ADPRM: variants seen among roughly 807,000 people sequenced by gnomAD.
The protein encoded by ADPRM is ADP-ribose/CDP-alcohol diphosphatase, manganese dependent, also known as manganese-dependent ADP-ribose/CDP-alcohol diphosphatase.
A neutral mutation model predicts 27.2 loss-of-function variants in ADPRM; 17 were observed. That is an observed-to-expected ratio of 0.63 (90% CI 0.43 to 0.94). The LOEUF is 0.94. ADPRM is among the 40% of genes least tolerant of loss of function. ADPRM has a pLI of 0.00. For missense variants in ADPRM, 337 were observed against 412.8 expected (o/e 0.82, Z 1.59); for synonymous variants, 135 against 145.3 (o/e 0.93, Z 0.51).
At position 10,705,912 on chromosome 17, in the gene ADPRM, T is replaced by C. The variant is rs1367982767; in HGVS notation, c.601+385T>C. 1 of 248,444 alleles carries C rather than the reference T, an allele frequency of 4.0e-6. No homozygotes were observed. The highest frequency in any genetic ancestry group is 7.8e-6 in the Non-Finnish European group (1 of 127,746). 15.4% of individuals were successfully genotyped at this position (248,444 alleles called of 1,614,324 possible). A position where few individuals can be genotyped will look rare whatever the true frequency, so the allele number is the denominator to read the frequency against. Reference sequence around the variant, plus strand: ...GCCAAGGAAATAGAGTATGATGTTATAGAGTGTTACGGAAAAGGATTAGGG... The same window carrying C: ...GCCAAGGAAATAGAGTATGATGTTACAGAGTGTTACGGAAAAGGATTAGGG... On this transcript the variant is annotated intron_variant, in intron 2 of 3. Coordinates refer to ENST00000379774, the MANE Select transcript of ADPRM (RefSeq NM_020233.5). This position sits in a 1 kb window ranked among gnomAD's most constrained non-coding sequence, Gnocchi z 5.4.
intron 3 of ADPRM, among the ~76,000 whole-genome samples, chr17:10,708,055 T>G (rs777095276): frequency 6.6e-5 from 10 of 152,074 alleles, no homozygotes; most frequent in African/African-American, 1.4e-4. Flanking sequence ...TGGCTCTGGT[T>G]TATATGAACT....
chr17:10,707,053 T>C (rs2074817661), intron 3 of ADPRM, among the ~76,000 whole-genome samples: 2 of 152,254 alleles, frequency 1.3e-5, no homozygotes, highest in Admixed American at 6.5e-5. Context: ...TTGTTTTTTG[T>C]TTTTTGAACC....
Position 10,705,551 on chromosome 17 carries a change from A to G in ADPRM, c.601+24A>G, listed in dbSNP as rs1160495101. On this transcript the variant is annotated intron_variant, in intron 2 of 3. Transcript: ENST00000379774. This position sits in a 1 kb window ranked among gnomAD's most constrained non-coding sequence, Gnocchi z 5.4. ...AGGTGAATTATTCCTTTGAGCTGAG[A>G]ATCTAATAGATTGTCTTTAAATTCT... is the stretch of plus-strand genomic sequence containing the variant. 1 of 1,601,834 alleles carries G rather than the reference A, an allele frequency of 6.2e-7. No individual in the cohort carries two copies. Among genetic ancestry groups the G allele is most frequent in the Non-Finnish European group, 8.5e-7 (1 of 1,173,842 alleles).
At chr17:10,710,175 C>T (rs1597518451) in intron 3 of ADPRM, among the ~76,000 whole-genome samples, 1 of 152,198 alleles carries the variant, frequency 6.6e-6, no homozygotes, top group Non-Finnish European at 1.5e-5. Context: ...GATCTTGGCT[C>T]ACTGCAACCT....
intron 3 of ADPRM, among the ~76,000 whole-genome samples, chr17:10,708,429 C>CAA (rs1206878055): frequency 5.6e-4 from 17 of 30,434 alleles, no homozygotes; most frequent in African/African-American, 6.9e-4. Flanking sequence ...AACTCCGTCT[C>CAA]AAAAAAAAAA....
chr17:10,706,453 A>G lies in ADPRM; in HGVS notation c.617A>G (p.Gln206Arg), dbSNP rs202034757. 2 of 1,599,322 alleles carry G rather than the reference A, an allele frequency of 1.3e-6. No homozygotes were observed. The highest frequency in any genetic ancestry group is 1.1e-5 in the South Asian group (1 of 87,458). ...TTCATTTCAGGACTTTCTGAGCCCC[A>G]GTTTGTCCAGTTTAATGGAGGATTC... ...LNSPQGLSEP[Q>R]FVQFNGGFSQ... is the part of the protein sequence containing the mutation. The change falls in exon 3 of 4, where the codon CAG becomes CGG. Residue 206 changes from glutamine (Q) to arginine (R), a missense_variant. Coordinates refer to ENST00000379774, the MANE Select transcript of ADPRM (RefSeq NM_020233.5).
Position 10,706,881 on chromosome 17 carries a change from T to C in ADPRM, c.718+327T>C, listed in dbSNP as rs141528627. Among the ~76,000 whole-genome samples the C allele has an allele frequency of 3.7e-3, 560 of 152,304 alleles. 1 individual carries two copies. The highest frequency in any genetic ancestry group is 0.012 in the African/African-American group (490 of 41,570). On this transcript the variant is annotated intron_variant, in intron 3 of 3. Coordinates refer to ENST00000379774, the MANE Select transcript of ADPRM (RefSeq NM_020233.5). ...TATTATTATTGAAATCATTGTAGAT[T>C]CACGTGCATTTGTAAGAAATAATTC...
rs1248691785 is a variant in ADPRM, at chr17:10,705,264, T to A, written c.338T>A (p.Phe113Tyr). ...CATCATACATGGGGAAACCATGAATTCTATAACTTCAGTAGAGAGTATTTA... is the reference window on the plus strand; with the variant it reads ...CATCATACATGGGGAAACCATGAATACTATAACTTCAGTAGAGAGTATTTA... ...PVHHTWGNHE[F>Y]YNFSREYLTH... Residue 113 changes from phenylalanine to tyrosine, a missense_variant, in exon 2 of 4, where the codon TTC becomes TAC. By Grantham distance (22) the Phe-to-Tyr change is conservative. Coordinates refer to ENST00000379774, the MANE Select transcript of ADPRM (RefSeq NM_020233.5). The surrounding 1 kb of genome is among the most constrained non-coding windows in gnomAD (Gnocchi z 5.4). 1 of 1,614,058 alleles carries A rather than the reference T, an allele frequency of 6.2e-7. No homozygotes were observed.
chr17:10,705,285 AT>A lies in ADPRM; in HGVS notation c.362del (p.Leu121Ter). ...GAATTCTATAACTTCAGTAGAGAGT[AT>A]TTAACACACTCTAAACTTAACACTA... ...NHEFYNFSREYLTHSKLNTKF... is the reference protein window; with the variant it reads ...NHEFYNFSREXLTHSKLNTKF... On this transcript the variant is annotated frameshift_variant, in exon 2 of 4. Coordinates refer to ENST00000379774, the MANE Select transcript of ADPRM (RefSeq NM_020233.5). LOFTEE classifies it high-confidence loss of function. This position sits in a 1 kb window ranked among gnomAD's most constrained non-coding sequence, Gnocchi z 5.4. 1 of 1,613,570 alleles carries A rather than the reference AT, an allele frequency of 6.2e-7. No homozygotes were observed. Among genetic ancestry groups the A allele is most frequent in the South Asian group, 1.1e-5 (1 of 91,064 alleles).
At chr17:10,709,288 G>A (rs374462686) in intron 3 of ADPRM, among the ~76,000 whole-genome samples, 1 of 152,116 alleles carries the variant, frequency 6.6e-6, no homozygotes, top group Admixed American at 6.6e-5. Context: ...GATGTTGAGT[G>A]GGCAGTTTGG....
chr17:10,706,268 GATAT>G (rs146938479), intron 2 of ADPRM, among the ~76,000 whole-genome samples, 166 bp from the exon 3 acceptor site: 1 of 150,228 alleles, frequency 6.7e-6, no homozygotes, highest in Non-Finnish European at 1.5e-5. Context: ...GATGCAGTGT[GATAT>G]ATATATATAT....
In ADPRM at chr17:10,705,445, G is replaced by C. The variant is rs745405703; in HGVS notation, c.519G>C (p.Val173=). 16 of 1,613,902 alleles carry C rather than the reference G, an allele frequency of 9.9e-6. No homozygotes were observed. The highest frequency in any genetic ancestry group is 1.3e-5 in the Non-Finnish European group (15 of 1,180,032). The change falls in exon 2 of 4, where the codon GTG becomes GTC. Residue 173 remains valine, a synonymous_variant. Transcript: ENST00000379774. This position sits in a 1 kb window ranked among gnomAD's most constrained non-coding sequence, Gnocchi z 5.4. ...LDAYDLSVLG[V]DQSSPKYEQC... is the part of the protein sequence containing the mutation. The stretch of plus-strand genomic sequence containing the variant: ...CATATGACTTGAGTGTCTTGGGCGT[G>C]GATCAGTCTTCTCCAAAATACGAGC...
At chr17:10,701,535 T>C (rs977445012) in intron 1 of ADPRM, among the ~76,000 whole-genome samples, 1 of 152,130 alleles carries the variant, frequency 6.6e-6, no homozygotes, top group Non-Finnish European at 1.5e-5. Flanking sequence ...TTCACCATGT[T>C]AGCCAGGATG....
Position 10,705,108 on chromosome 17 carries a change from A to G in ADPRM, c.182A>G (p.Asn61Ser), listed in dbSNP as rs762398462. ...HLQGAIEDWNNESSMPCCVLQ... is the reference protein window; with the variant it reads ...HLQGAIEDWNSESSMPCCVLQ... ...CAGGGTGCCATTGAAGACTGGAATA[A>G]TGAAAGCAGCATGCCCTGTTGTGTC... The change falls in exon 2 of 4, where the codon AAT (asparagine) becomes AGT (serine). Residue 61 changes from asparagine (N) to serine (S), a missense_variant. By Grantham distance (46) the Asn-to-Ser change is conservative. Coordinates refer to ENST00000379774, the MANE Select transcript of ADPRM (RefSeq NM_020233.5). The surrounding 1 kb of genome is among the most constrained non-coding windows in gnomAD (Gnocchi z 5.4). 6.2e-7 allele frequency: 1 copy of G among 1,614,168 alleles called. No homozygotes were observed.
intron 2 of ADPRM, 87 bp from the exon 3 acceptor site, chr17:10,706,351 A>C: frequency 1.2e-6 from 1 of 839,184 alleles, no homozygotes. Flanking sequence ...CTAAAGAAAA[A>C]ACAAGTGTCC....
chr17:10,708,473 C>T (rs1428151241), intron 3 of ADPRM, among the ~76,000 whole-genome samples: 1 of 142,236 alleles, frequency 7.0e-6, no homozygotes, highest in East Asian at 2.1e-4. Context: ...ATAGGCTATT[C>T]AGATAGTTGA....
At position 10,705,466 on chromosome 17, in the gene ADPRM, C is replaced by G. The variant is rs770782140; in HGVS notation, c.540C>G (p.Tyr180Ter). 1 of 1,613,982 alleles carries G rather than the reference C, an allele frequency of 6.2e-7. No homozygotes were observed. The highest frequency in any genetic ancestry group is 8.5e-7 in the Non-Finnish European group (1 of 1,180,010). ...VLGVDQSSPKYEQCMKILREH... is the reference protein window; with the variant it reads ...VLGVDQSSPK The stretch of plus-strand genomic sequence containing the variant: ...GCGTGGATCAGTCTTCTCCAAAATA[C>G]GAGCAGTGTATGAAGATATTGAGGG... Residue 180 changes from tyrosine (Y) to a stop codon, truncating the protein, a stop_gained, in exon 2 of 4, where the codon TAC becomes TAG. Coordinates refer to ENST00000379774, the MANE Select transcript of ADPRM (RefSeq NM_020233.5). LOFTEE classifies it high-confidence loss of function. The surrounding 1 kb of genome is among the most constrained non-coding windows in gnomAD (Gnocchi z 5.4).
chr17:10,698,516 T>C (rs1480811439), intron 1 of ADPRM: 1 of 152,260 alleles, frequency 6.6e-6, no homozygotes, highest in Non-Finnish European at 1.5e-5. Context: ...CTAATTATCT[T>C]CCTTAACTAC....
At chr17:10,704,144 G>A (rs993526120) in intron 1 of ADPRM, among the ~76,000 whole-genome samples, 6 of 151,992 alleles carry the variant, frequency 3.9e-5, no homozygotes, top group African/African-American at 9.7e-5. Context: ...AGGAGTCCAC[G>A]ACCAGCCTGG....
Sources: allele counts gnomAD v4.1 joint callset (sites outside exome capture counted in the v4.1 genomes callset), GRCh38; gene constraint gnomAD v4.1.1; non-coding constraint Gnocchi (gnomAD v3.1); transcripts MANE v1.5; gene names NCBI Gene and HGNC (gene_info 2026-07-23, HGNC 2026-07-21).